TECTB: variants seen among roughly 807,000 people sequenced by gnomAD.
TECTB encodes tectorin beta.
In TECTB, 45 loss-of-function variants were observed where a neutral mutation model predicts 43.3. The observed-to-expected ratio is 1.04, with a 90% CI of 0.82 to 1.33. The LOEUF is 1.33. TECTB is among the 40% of genes most tolerant of loss of function. TECTB has a pLI of 0.00. For missense variants in TECTB, 399 were observed against 404.7 expected, an observed-to-expected ratio of 0.99 and a Z score of 0.12; for synonymous variants, 169 against 156.7, an observed-to-expected ratio of 1.08 and a Z score of -0.59.
At chr10:112,288,049 G>GGT (rs1848469425) in intron 5 of TECTB, among the ~76,000 whole-genome samples, 1 of 152,216 alleles carries the variant, frequency 6.6e-6, no homozygotes, top group Non-Finnish European at 1.5e-5. Context: ...ACTACAGTCA[G>GGT]TGATGAAAGC....
chr10:112,287,785 C>T (rs1423537509), intron 5 of TECTB, among the ~76,000 whole-genome samples: 3 of 152,142 alleles, frequency 2.0e-5, no homozygotes, highest in Non-Finnish European at 2.9e-5. Context: ...TTACTTACTG[C>T]GAAGGGAATG....
rs767562978 is a variant in TECTB, at chr10:112,286,208, C to T, written c.405C>T (p.Asp135=). 2 of 1,614,156 alleles carry T rather than the reference C, an allele frequency of 1.2e-6. No homozygotes were observed. Among genetic ancestry groups the T allele is most frequent in the South Asian group, 1.1e-5 (1 of 91,080 alleles). Residue 135 remains aspartate, a synonymous_variant, in exon 4 of 11, where the codon GAC becomes GAT. Coordinates refer to ENST00000646139, the MANE Select transcript of TECTB (RefSeq NM_058222.3). ...STYLVNQAAF[D]QRVATVHVKN... ...ACTTGGTGAACCAGGCTGCCTTTGA[C>T]CAGAGGTAAGTTGCTGTGCGGCATG...
At chr10:112,295,793 A>G (rs1044548487) in intron 7 of TECTB, among the ~76,000 whole-genome samples, 2 of 152,210 alleles carry the variant, frequency 1.3e-5, no homozygotes, top group Admixed American at 1.3e-4. Flanking sequence ...ATCTCTCTGC[A>G]GGGAGTTCTA....
At chr10:112,290,165 T>C (rs1251534681) in intron 5 of TECTB, among the ~76,000 whole-genome samples, 5 of 152,204 alleles carry the variant, frequency 3.3e-5, no homozygotes, top group Admixed American at 1.3e-4. Context: ...TCCTGGGATA[T>C]AAATCATCCC....
chr10:112,293,907 T>C (rs1848522742), intron 6 of TECTB, 66 bp downstream of exon 6: 1 of 1,606,264 alleles, frequency 6.2e-7, no homozygotes, highest in Non-Finnish European at 8.5e-7. Flanking sequence ...CTGACATACT[T>C]TTTAATCATC....
At chr10:112,292,239 C>T (rs1227240688) in intron 5 of TECTB, among the ~76,000 whole-genome samples, 1 of 152,124 alleles carries the variant, frequency 6.6e-6, no homozygotes, top group Non-Finnish European at 1.5e-5. Context: ...AAATCAGCCT[C>T]CTTTGAGTAA....
At position 112,286,364 on chromosome 10, in the gene TECTB, G is replaced by A; in HGVS notation, c.456G>A (p.Glu152=). The change falls in exon 5 of 11, where the codon GAG becomes GAA. Residue 152 remains glutamate, a synonymous_variant. Transcript: ENST00000646139. ...HVKNGSMGTF[E]SQLSLNFYTN... is the part of the protein sequence containing the mutation. ...AGAACGGGAGCATGGGCACATTTGA[G>A]AGCCAACTGTCTCTCAACTTCTACA... 6.2e-7 allele frequency: 1 copy of A among 1,609,900 alleles called. No individual in the cohort carries two copies. Among genetic ancestry groups the A allele is most frequent in the Non-Finnish European group, 8.5e-7 (1 of 1,176,408 alleles).
At chr10:112,285,275 A>T (rs146207986) in intron 3 of TECTB, among the ~76,000 whole-genome samples, 169 of 152,318 alleles carry the variant, frequency 1.1e-3, no homozygotes, top group African/African-American at 4.0e-3. Flanking sequence ...TCACTCATTC[A>T]GGGCCACAGA....
chr10:112,286,522 TGAAC>T, intron 5 of TECTB, 131 bp downstream of exon 5: 1 of 1,006,224 alleles, frequency 9.9e-7, no homozygotes, highest in Non-Finnish European at 1.4e-6. Context: ...AGTTGAAACA[TGAAC>T]TTTGGTTTAG....
intron 9 of TECTB, 124 bp downstream of exon 9, chr10:112,299,688 C>A: frequency 2.0e-6 from 2 of 989,720 alleles, no homozygotes; most frequent in Non-Finnish European, 3.1e-6. Flanking sequence ...TGGGCACAAC[C>A]TTCACCTGCT....
intron 7 of TECTB, among the ~76,000 whole-genome samples, chr10:112,295,670 G>T (rs183560516): frequency 3.9e-5 from 6 of 152,354 alleles, no homozygotes; most frequent in Admixed American, 3.9e-4. Context: ...AATGACTCCA[G>T]GAATTCTGAA....
Position 112,303,636 on chromosome 10 carries a change from C to G in TECTB, c.*324C>G. The G allele has an allele frequency of 2.9e-6, 1 of 340,944 alleles. No homozygotes were observed. The highest frequency in any genetic ancestry group is 5.5e-6 in the Non-Finnish European group (1 of 182,646). The allele number at this position is 340,944 out of a possible 1,614,324, so 21.1% of individuals were successfully genotyped here. On this transcript the variant is annotated 3_prime_UTR_variant, in exon 11 of 11. Transcript: ENST00000646139. The stretch of plus-strand genomic sequence containing the variant: ...TTTTAACTTTAAAAGGTTAGCAGAC[C>G]CAACCAAGTACTGCTGAGCATTTTG...
chr10:112,295,627 T>C (rs1255834571), intron 7 of TECTB, among the ~76,000 whole-genome samples: 1 of 152,246 alleles, frequency 6.6e-6, no homozygotes, highest in Admixed American at 6.5e-5. Context: ...AATGATTCAA[T>C]TCATTCAGCC....
Position 112,293,983 on chromosome 10 carries a change from A to C in TECTB, c.593A>C (p.Lys198Thr). Residue 198 changes from lysine (K) to threonine (T), a missense_variant, in exon 7 of 11, where the codon AAA (lysine) becomes ACA (threonine). Coordinates refer to ENST00000646139, the MANE Select transcript of TECTB (RefSeq NM_058222.3). ...VEAKGLSIRFKVVLNSCWATP... is the reference protein window; with the variant it reads ...VEAKGLSIRFTVVLNSCWATP... ...CCATTTTGTTTTATTTCCAGGTTTA[A>C]AGTGGTCTTGAACAGCTGTTGGGCC... 25 of 1,614,186 alleles carry C rather than the reference A, an allele frequency of 1.5e-5. No homozygotes were observed. The highest frequency in any genetic ancestry group is 2.1e-5 in the Non-Finnish European group (25 of 1,180,016).
At chr10:112,293,088 T>C (rs990004613) in intron 5 of TECTB, among the ~76,000 whole-genome samples, 2 of 152,256 alleles carry the variant, frequency 1.3e-5, no homozygotes, top group African/African-American at 4.8e-5. Flanking sequence ...TAATGTCCTA[T>C]GGTCTATAGT....
chr10:112,294,166 GGAGT>G, intron 7 of TECTB, 105 bp downstream of exon 7: 2 of 977,052 alleles, frequency 2.0e-6, no homozygotes, highest in Non-Finnish European at 1.6e-6. Flanking sequence ...GAAGCCTGCT[GGAGT>G]TACAGCAGTG....
intron 5 of TECTB, among the ~76,000 whole-genome samples, chr10:112,291,234 A>T (rs1848496570): frequency 6.6e-6 from 1 of 151,202 alleles, no homozygotes; most frequent in South Asian, 2.1e-4. Flanking sequence ...GCTCCCACTT[A>T]TAAGTGAGAC....
intron 3 of TECTB, among the ~76,000 whole-genome samples, chr10:112,285,558 C>T (rs994176622): frequency 9.2e-5 from 14 of 152,212 alleles, no homozygotes; most frequent in African/African-American, 3.4e-4. Context: ...AGGTCAGTCA[C>T]TTTTCAAGTG....
Position 112,299,531 on chromosome 10 carries a change from G to A in TECTB, c.874G>A (p.Gly292Arg), listed in dbSNP as rs143643685. ...GAAGCGCCTCCTGCGAGACCAGACC[G>A]GGGGAGTCCTGGTCGTGGAGCTCTC... ...KRKRLLRDQTGGVLVVELSLR... is the reference protein window; with the variant it reads ...KRKRLLRDQTRGVLVVELSLR... Residue 292 changes from glycine (G) to arginine (R), a missense_variant, in exon 9 of 11, where the codon GGG becomes AGG. By Grantham distance (125) the Gly-to-Arg change is moderately radical. Transcript: ENST00000646139. The A allele has an allele frequency of 3.5e-4, 560 of 1,614,122 alleles. 1 individual carries two copies. The highest frequency in any genetic ancestry group is 6.7e-4 in the Admixed American group (40 of 60,024).
Sources: allele counts gnomAD v4.1 joint callset (sites outside exome capture counted in the v4.1 genomes callset), GRCh38; gene constraint gnomAD v4.1.1; transcripts MANE v1.5; gene names NCBI Gene and HGNC (gene_info 2026-07-23, HGNC 2026-07-21).